GNB1: variants seen among roughly 807,000 people sequenced by gnomAD.
GNB1 encodes the protein guanine nucleotide-binding protein G(I)/G(S)/G(T) subunit beta-1.
Under a neutral mutation model 42.9 loss-of-function variants are expected in GNB1, and 2 were observed. The ratio of observed to expected loss-of-function variants is 0.05; its 90% CI spans 0.02 to 0.15. GNB1 has a LOEUF of 0.15. Ranked by LOEUF, GNB1 falls within the 10% of genes least tolerant of loss-of-function variation. The pLI, the probability that GNB1 is intolerant of heterozygous loss-of-function variation, is 1.00. For synonymous variants in GNB1, 183 were observed against 174.7 expected (o/e 1.05, Z -0.38); for missense variants, 193 against 462.2 (o/e 0.42, Z 5.34).
intron 4 of GNB1, chr1:1,817,599 T>C: frequency 2.6e-6 from 1 of 392,094 alleles, no homozygotes; most frequent in East Asian, 3.7e-5. Context: ...ATTTTACAAC[T>C]ATTACCCTCT....
rs116622593 is a variant in GNB1 at position 1,835,683 on chromosome 1, A to G, written c.-47+3507T>C. ...GAAATCTGTGCATGTTGTTACATGT[A>G]CAAGTCTTTATGAGAACATCTGCTT... On this transcript the variant is annotated intron_variant, in intron 2 of 11. Transcript: ENST00000378609. Among the ~76,000 whole-genome samples, 374 of 152,232 alleles carry G rather than the reference A, an allele frequency of 2.5e-3. 2 individuals carry two copies. The highest frequency in any genetic ancestry group is 8.0e-3 in the African/African-American group (333 of 41,552).
intron 7 of GNB1, among the ~76,000 whole-genome samples, chr1:1,801,135 C>T (rs560623074): frequency 3.9e-5 from 6 of 152,364 alleles, no homozygotes; most frequent in Non-Finnish European, 8.8e-5. Context: ...TCAAGTAATT[C>T]TCCTGCTTCA....
At chr1:1,813,043 A>C (rs1298731016) in intron 5 of GNB1, among the ~76,000 whole-genome samples, 1 of 152,216 alleles carries the variant, frequency 6.6e-6, no homozygotes, top group Non-Finnish European at 1.5e-5. Flanking sequence ...CCTAATCTGC[A>C]CATCAGTGTT....
Position 1,843,966 on chromosome 1 carries a change from C to T in GNB1, c.-95-4728G>A, listed in dbSNP as rs567206058. Among the ~76,000 whole-genome samples, 33 of 152,080 alleles carry T rather than the reference C, an allele frequency of 2.2e-4. No individual in the cohort carries two copies. The East Asian group carries it at 5.6e-3, about 26-fold the overall frequency. On this transcript the variant is annotated intron_variant, in intron 1 of 11. Transcript: ENST00000378609. ...ATCCGAGCACTTTGGGAGGCCGAGG[C>T]GGGCGGATCACGAGGTCAGGAGATC...
At chr1:1,855,847 T>C (rs1383134416) in intron 1 of GNB1, among the ~76,000 whole-genome samples, 1 of 152,162 alleles carries the variant, frequency 6.6e-6, no homozygotes, top group Non-Finnish European at 1.5e-5. Flanking sequence ...GAGGAGGCAA[T>C]AGTGTCTACA....
intron 2 of GNB1, among the ~76,000 whole-genome samples, chr1:1,838,873 C>T (rs560806465): frequency 6.6e-6 from 1 of 152,300 alleles, no homozygotes; most frequent in African/African-American, 2.4e-5. Context: ...AACCTTCTTG[C>T]TCAACACTAA....
At chr1:1,859,429 T>G (rs1557934417) in intron 1 of GNB1, among the ~76,000 whole-genome samples, 1 of 152,068 alleles carries the variant, frequency 6.6e-6, no homozygotes, top group Non-Finnish European at 1.5e-5. Flanking sequence ...CATGTGAGCC[T>G]GTAATCCCAG....
intron 1 of GNB1, among the ~76,000 whole-genome samples, chr1:1,850,321 G>A (rs1372575258): frequency 6.6e-6 from 1 of 151,794 alleles, no homozygotes; most frequent in Non-Finnish European, 1.5e-5. Context: ...TAGTAGAGAC[G>A]GGGTTTCTCC....
intron 3 of GNB1, among the ~76,000 whole-genome samples, chr1:1,819,000 T>TA (rs1417444918): frequency 6.6e-6 from 1 of 152,236 alleles, no homozygotes; most frequent in Non-Finnish European, 1.5e-5. Context: ...GTTGCTCATC[T>TA]ACAAATGACC....
Position 1,873,926 on chromosome 1 carries a change from C to T in GNB1, c.-96+16894G>A, listed in dbSNP as rs573273928. Among the ~76,000 whole-genome samples, 5 of 152,224 alleles carry T rather than the reference C, an allele frequency of 3.3e-5. No individual in the cohort carries two copies. In the East Asian group the frequency reaches 9.7e-4, roughly 29 times the overall value. The stretch of plus-strand genomic sequence containing the variant: ...ACCACCAATGTATCCAGGCAGGCAG[C>T]GTGGGGACTAAATACAAGAGGGAAC... On this transcript the variant is annotated intron_variant, in intron 1 of 11. Coordinates refer to ENST00000378609, the MANE Select transcript of GNB1 (RefSeq NM_002074.5).
At chr1:1,872,213 A>G (rs931297424) in intron 1 of GNB1, among the ~76,000 whole-genome samples, 7 of 152,106 alleles carry the variant, frequency 4.6e-5, no homozygotes, top group African/African-American at 1.4e-4. Context: ...CCTGGGCTCA[A>G]GCAATCTTCC....
intron 1 of GNB1, among the ~76,000 whole-genome samples, chr1:1,874,257 C>T (rs528176187): frequency 4.6e-5 from 7 of 152,184 alleles, no homozygotes; most frequent in East Asian, 1.9e-4. Context: ...GATCACGAGG[C>T]CAGGAATTCA....
At chr1:1,857,709 C>T (rs192380166) in intron 1 of GNB1, among the ~76,000 whole-genome samples, 2 of 152,218 alleles carry the variant, frequency 1.3e-5, no homozygotes. Context: ...GCTCCAAGAC[C>T]CCCAGGGGAT....
chr1:1,828,951 C>G (rs957099494), intron 2 of GNB1, among the ~76,000 whole-genome samples: 1 of 152,102 alleles, frequency 6.6e-6, no homozygotes, highest in Non-Finnish European at 1.5e-5. Context: ...CCTGGTCAGG[C>G]CCTCTTCAGT....
At chr1:1,857,954 T>C (rs1357972447) in intron 1 of GNB1, among the ~76,000 whole-genome samples, 1 of 152,202 alleles carries the variant, frequency 6.6e-6, no homozygotes, top group East Asian at 1.9e-4. Context: ...CGTGATATTT[T>C]ATGGTGCCAT....
At chr1:1,845,638 T>C (rs115361377) in intron 1 of GNB1, among the ~76,000 whole-genome samples, 2,069 of 152,028 alleles carry the variant, frequency 0.014, 19 homozygotes, top group Middle Eastern at 0.024. Context: ...AATATGGATA[T>C]GTATGCCAGA....
intron 1 of GNB1, among the ~76,000 whole-genome samples, chr1:1,869,542 C>G (rs1243578969): frequency 6.6e-6 from 1 of 152,152 alleles, no homozygotes; most frequent in Non-Finnish European, 1.5e-5. Context: ...GCTTCCTCCT[C>G]CCGTGAATCC....
intron 1 of GNB1, among the ~76,000 whole-genome samples, chr1:1,857,941 T>C (rs1223168560): frequency 6.6e-6 from 1 of 152,186 alleles, no homozygotes; most frequent in Non-Finnish European, 1.5e-5. Context: ...TCTCGTACTG[T>C]ACCGTGATAT....
intron 1 of GNB1, among the ~76,000 whole-genome samples, chr1:1,843,323 G>C (rs1177364107): frequency 6.6e-6 from 1 of 152,132 alleles, no homozygotes; most frequent in Admixed American, 6.6e-5. Flanking sequence ...GGGCTAAGGT[G>C]ATCCTCCTGC....
Sources: gnomAD v4.1 joint callset for allele counts (sites outside exome capture counted in the v4.1 genomes callset) on GRCh38, gnomAD v4.1.1 for gene constraint, MANE v1.5 for transcripts, NCBI Gene and HGNC (gene_info 2026-07-23, HGNC 2026-07-21) for gene names.